The following OXR1 variants were observed in gnomAD, a reference collection of about 807,000 sequenced individuals.
OXR1 encodes the protein oxidation resistance 1, also known as oxidation resistance protein 1.
Under a neutral mutation model 104.6 loss-of-function variants are expected in OXR1, and 41 were observed. The observed-to-expected ratio is 0.39, with a 90% CI of 0.31 to 0.51. The LOEUF (loss-of-function observed/expected upper bound fraction) is 0.51, where lower values mean the gene tolerates loss of function less well. Among genes scored for constraint, OXR1 ranks in the 20% least tolerant of loss-of-function variants. OXR1 has a pLI of 0.77. For missense variants in OXR1, 955 were observed against 1,031.9 expected (o/e 0.93, Z 1.02); for synonymous variants, 348 against 348.4 (o/e 1.00, Z 0.01).
At chr8:106,389,258 C>T (rs1402538735) in intron 2 of OXR1, among the ~76,000 whole-genome samples, 1 of 152,102 alleles carries the variant, frequency 6.6e-6, no homozygotes, top group Non-Finnish European at 1.5e-5. Flanking sequence ...GGAAGAATTG[C>T]ATACATTTTG....
At chr8:106,602,817 T>G (rs1378513621) in intron 3 of OXR1, among the ~76,000 whole-genome samples, 1 of 152,178 alleles carries the variant, frequency 6.6e-6, no homozygotes, top group African/African-American at 2.4e-5. Flanking sequence ...TTATAAAATA[T>G]TCTACCCTGT....
intron 11 of OXR1, among the ~76,000 whole-genome samples, chr8:106,721,781 CTTTAGTA>C (rs1832842975): frequency 6.6e-6 from 1 of 152,036 alleles, no homozygotes; most frequent in Non-Finnish European, 1.5e-5. Context: ...TCCATTTTGA[CTTTAGTA>C]TTTAGTGCTG....
intron 1 of OXR1, among the ~76,000 whole-genome samples, chr8:106,313,640 T>TC (rs35994055): frequency 0.62 from 94,768 of 151,796 alleles, 30,021 homozygotes; most frequent in African/African-American, 0.73. Flanking sequence ...ACGTTTATTC[T>TC]CCTTTTGCTA....
chr8:106,467,079 C>A (rs1414205995), intron 2 of OXR1, among the ~76,000 whole-genome samples: 2 of 151,886 alleles, frequency 1.3e-5, no homozygotes, highest in Admixed American at 1.3e-4. Flanking sequence ...CAGCCCAAGT[C>A]TGTTCCCAAA....
intron 2 of OXR1, among the ~76,000 whole-genome samples, chr8:106,492,254 G>A (rs1023003421): frequency 2.8e-4 from 42 of 152,132 alleles, no homozygotes; most frequent in African/African-American, 9.4e-4. Context: ...CCAACTTTCA[G>A]CAAGTGCTAT....
intron 3 of OXR1, among the ~76,000 whole-genome samples, chr8:106,584,751 GA>G (rs1356195342): frequency 2.6e-5 from 4 of 151,542 alleles, no homozygotes; most frequent in African/African-American, 4.8e-5. Context: ...ATATGAGAAA[GA>G]AAAAAAATGG....
intron 2 of OXR1, among the ~76,000 whole-genome samples, chr8:106,412,324 A>G (rs1222381111): frequency 1.3e-5 from 2 of 152,120 alleles, no homozygotes; most frequent in Admixed American, 6.6e-5. Context: ...CTGTGCTTCA[A>G]ATGGTAGGAT....
In OXR1 at chr8:106,425,083, G is replaced by GTTTTTTTTTTTTTTTTT. The variant is rs748444311; in HGVS notation, c.23+65457_23+65473dup. On this transcript the variant is annotated intron_variant, in intron 2 of 16. Coordinates refer to ENST00000517566, the MANE Select transcript of OXR1 (RefSeq NM_001198533.2). ...TTAGCAGGGTTTTTTGTTTGGTTTG[G>GTTTTTTTTTTTTTTTTT]TTTTTTTTTTTTTTTTTTTTTTTTT... 2.4e-5 allele frequency among the ~76,000 whole-genome samples: 2 copies of GTTTTTTTTTTTTTTTTT among 83,660 alleles called. 1 individual carries two copies. 54.9% of individuals were successfully genotyped at this position (83,660 alleles called of 152,430 possible). A position where few individuals can be genotyped will look rare whatever the true frequency, so the allele number is the denominator to read the frequency against.
intron 11 of OXR1, among the ~76,000 whole-genome samples, chr8:106,719,891 C>T (rs903948969): frequency 2.0e-5 from 3 of 152,040 alleles, no homozygotes; most frequent in Non-Finnish European, 2.9e-5. Context: ...CTGCAAGCTC[C>T]GCCTCCTGGA....
intron 3 of OXR1, among the ~76,000 whole-genome samples, chr8:106,667,421 C>T (rs1826456495): frequency 6.6e-6 from 1 of 151,986 alleles, no homozygotes. Flanking sequence ...TTTTATGATG[C>T]AAGTTAATAA....
At chr8:106,314,585 A>G (rs1472490086) in intron 1 of OXR1, among the ~76,000 whole-genome samples, 1 of 152,220 alleles carries the variant, frequency 6.6e-6, no homozygotes, top group Non-Finnish European at 1.5e-5. Flanking sequence ...GATTTACTCT[A>G]TGCTAGGCAG....
chr8:106,374,212 T>C (rs2130384724), intron 2 of OXR1, among the ~76,000 whole-genome samples: 1 of 152,336 alleles, frequency 6.6e-6, no homozygotes, highest in South Asian at 2.1e-4. Context: ...GCTAATCATC[T>C]TCTTCCCTGG....
intron 11 of OXR1, among the ~76,000 whole-genome samples, chr8:106,736,513 A>T (rs1396720358): frequency 6.6e-6 from 1 of 152,166 alleles, no homozygotes. Context: ...TTTTTGATTG[A>T]TTACAAGAGG....
chr8:106,330,481 G>T (rs16874403), intron 1 of OXR1, among the ~76,000 whole-genome samples: 1 of 152,126 alleles, frequency 6.6e-6, no homozygotes, highest in Non-Finnish European at 1.5e-5. Context: ...TGATCGGCCT[G>T]TTTCAAATAA....
intron 7 of OXR1, among the ~76,000 whole-genome samples, chr8:106,695,529 T>C (rs1241649694): frequency 1.3e-5 from 2 of 152,090 alleles, no homozygotes; most frequent in East Asian, 3.9e-4. Flanking sequence ...GCAATTCTCC[T>C]GCCTCAGCCT....
At chr8:106,287,001 C>G (rs1374832872) in intron 1 of OXR1, among the ~76,000 whole-genome samples, 2 of 152,128 alleles carry the variant, frequency 1.3e-5, no homozygotes, top group Non-Finnish European at 2.9e-5. Flanking sequence ...ATGCAAAATT[C>G]TGCCACAGCT....
intron 1 of OXR1, among the ~76,000 whole-genome samples, chr8:106,341,622 GTTC>G (rs1367806484): frequency 6.6e-6 from 1 of 152,098 alleles, no homozygotes; most frequent in Non-Finnish European, 1.5e-5. Flanking sequence ...TCCCACACAA[GTTC>G]TTCTGTCCTC....
chr8:106,586,958 T>G (rs553408336), intron 3 of OXR1, among the ~76,000 whole-genome samples: 1 of 152,102 alleles, frequency 6.6e-6, no homozygotes, highest in Non-Finnish European at 1.5e-5. Context: ...AAATGGTAAT[T>G]AGGGAAAATT....
intron 7 of OXR1, among the ~76,000 whole-genome samples, chr8:106,693,257 G>A (rs1420743493): frequency 6.6e-6 from 1 of 152,042 alleles, no homozygotes; most frequent in African/African-American, 2.4e-5. Flanking sequence ...CTATATGCCA[G>A]AGAGTATTTG....
Sources: gnomAD v4.1 joint callset for allele counts (sites outside exome capture counted in the v4.1 genomes callset) on GRCh38, gnomAD v4.1.1 for gene constraint, MANE v1.5 for transcripts, NCBI Gene and HGNC (gene_info 2026-07-23, HGNC 2026-07-21) for gene names.